Variants in CYSTM1 observed in about 807,000 individuals in gnomAD.
The protein encoded by CYSTM1 is cysteine rich transmembrane module containing 1, also known as cysteine-rich transmembrane module-containing protein 1.
In CYSTM1, 4 loss-of-function variants were observed where a neutral mutation model predicts 13.1. That is an observed-to-expected ratio of 0.31 (90% CI 0.15 to 0.70). CYSTM1 has a LOEUF of 0.70. Ranked by LOEUF, CYSTM1 falls within the 30% of genes least tolerant of loss-of-function variation. CYSTM1 has a pLI of 0.72. For synonymous variants in CYSTM1, 36 were observed against 42.7 expected (o/e 0.84, Z 0.62); for missense variants, 96 against 121.6 (o/e 0.79, Z 0.99).
chr5:140,204,610 G>C (rs1404323889), intron 2 of CYSTM1, among the ~76,000 whole-genome samples: 1 of 152,056 alleles, frequency 6.6e-6, no homozygotes, highest in Non-Finnish European at 1.5e-5. Context: ...AGGTAAAGTG[G>C]AGTGCAATAA....
chr5:140,189,958 C>T (rs1764071179), intron 1 of CYSTM1, among the ~76,000 whole-genome samples: 1 of 151,964 alleles, frequency 6.6e-6, no homozygotes, highest in Non-Finnish European at 1.5e-5. Flanking sequence ...AATGTATGAG[C>T]ATGGAGATCA....
intron 2 of CYSTM1, among the ~76,000 whole-genome samples, chr5:140,216,610 T>C (rs1327460208): frequency 6.6e-6 from 1 of 152,226 alleles, no homozygotes; most frequent in East Asian, 1.9e-4. Context: ...TTTACTTTCC[T>C]ATCAACTCCC....
chr5:140,209,141 A>C (rs952412118), intron 2 of CYSTM1, among the ~76,000 whole-genome samples: 1 of 152,142 alleles, frequency 6.6e-6, no homozygotes, highest in Non-Finnish European at 1.5e-5. Flanking sequence ...TTGTCACGTG[A>C]TTCAAGATGA....
At chr5:140,203,294 C>T (rs185014432) in intron 2 of CYSTM1, 2 of 152,354 alleles carry the variant, frequency 1.3e-5, no homozygotes, top group East Asian at 3.9e-4. Flanking sequence ...GTATACCTTT[C>T]ATCCCGATTT....
intron 2 of CYSTM1, among the ~76,000 whole-genome samples, chr5:140,233,839 T>C (rs1764647094): frequency 6.6e-6 from 1 of 152,216 alleles, no homozygotes; most frequent in African/African-American, 2.4e-5. Flanking sequence ...CTGTGGACTT[T>C]TGAGAGTTGT....
chr5:140,236,898 A>C (rs1013256639), intron 2 of CYSTM1, among the ~76,000 whole-genome samples: 1 of 152,204 alleles, frequency 6.6e-6, no homozygotes, highest in African/African-American at 2.4e-5. Flanking sequence ...ACCTTCTTGT[A>C]GAGTAACATG....
intron 2 of CYSTM1, chr5:140,228,960 A>C (rs1443922201): frequency 2.5e-6 from 1 of 395,442 alleles, no homozygotes; most frequent in Non-Finnish European, 4.5e-6. Flanking sequence ...TTTAAATTTT[A>C]GCACCTTTCA....
chr5:140,211,957 G>A (rs1297289820), intron 2 of CYSTM1, among the ~76,000 whole-genome samples: 1 of 151,846 alleles, frequency 6.6e-6, no homozygotes, highest in African/African-American at 2.4e-5. Context: ...ACACACACAC[G>A]CAAAAATAAG....
chr5:140,222,996 T>C (rs1764509031), intron 2 of CYSTM1, among the ~76,000 whole-genome samples: 1 of 152,248 alleles, frequency 6.6e-6, no homozygotes, highest in South Asian at 2.1e-4. Context: ...GCCTGTAGTC[T>C]GCCTTTTTCA....
At chr5:140,243,274 A>C in intron 2 of CYSTM1, 31 bp from the exon 3 acceptor site, 1 of 1,600,610 alleles carries the variant, frequency 6.2e-7, no homozygotes, top group Non-Finnish European at 8.6e-7. Flanking sequence ...GCACCAGTCC[A>C]TTCTCACCCT....
At chr5:140,238,329 G>A (rs1290556037) in intron 2 of CYSTM1, among the ~76,000 whole-genome samples, 2 of 152,226 alleles carry the variant, frequency 1.3e-5, no homozygotes, top group Non-Finnish European at 2.9e-5. Flanking sequence ...GAAAATGGAA[G>A]AGGTTCCTAC....
intron 2 of CYSTM1, among the ~76,000 whole-genome samples, chr5:140,196,574 G>A (rs1187620621): frequency 6.6e-6 from 1 of 152,224 alleles, no homozygotes; most frequent in African/African-American, 2.4e-5. Context: ...CCAAGATTGT[G>A]TTCTGTTGTA....
At chr5:140,228,335 G>A (rs6897855) in intron 2 of CYSTM1, among the ~76,000 whole-genome samples, 34,422 of 152,144 alleles carry the variant, frequency 0.23, 4,361 homozygotes, top group South Asian at 0.46. Context: ...GCTGTTGGGA[G>A]GATTAAATGA....
Position 140,194,430 on chromosome 5 carries a change from T to C in CYSTM1, c.-20-16T>C. The C allele has an allele frequency of 6.5e-7, 1 of 1,527,168 alleles. No homozygotes were observed. Among genetic ancestry groups the C allele is most frequent in the African/African-American group, 1.4e-5 (1 of 70,778 alleles). The allele number at this position is 1,527,168 out of a possible 1,614,324, so 94.6% of individuals were successfully genotyped here. On this transcript the variant is annotated splice_polypyrimidine_tract_variant and intron_variant, in intron 1 of 2. Transcript: ENST00000261811. ...ACAGTTAAATGCAAATAATTTTCAT[T>C]CTTTTTGTCTCTTAGGTGCACTTTA...
At chr5:140,177,074 A>AAAAAACAAAAACAAAACAAAAC (rs1357845710) in intron 1 of CYSTM1, among the ~76,000 whole-genome samples, 26 of 150,416 alleles carry the variant, frequency 1.7e-4, no homozygotes, top group African/African-American at 6.4e-4. Flanking sequence ...GTCTCAAAAA[A>AAAAAACAAAAACAAAACAAAAC]AAAAAAAAAA....
At chr5:140,218,480 T>TG (rs1388173794) in intron 2 of CYSTM1, among the ~76,000 whole-genome samples, 1 of 152,184 alleles carries the variant, frequency 6.6e-6, no homozygotes, top group African/African-American at 2.4e-5. Context: ...ATCAAGTTCT[T>TG]GAAGAACCCA....
chr5:140,191,002 A>G (rs1764087562), intron 1 of CYSTM1, among the ~76,000 whole-genome samples: 1 of 152,228 alleles, frequency 6.6e-6, no homozygotes, highest in Non-Finnish European at 1.5e-5. Flanking sequence ...TTGGTTATGT[A>G]AAGTGGTTTG....
intron 2 of CYSTM1, chr5:140,201,238 C>T (rs528755632): frequency 6.6e-5 from 10 of 152,198 alleles, no homozygotes; most frequent in Admixed American, 2.0e-4. Flanking sequence ...AACAGTCCAC[C>T]ACATTCTGCC....
Position 140,179,953 on chromosome 5 carries a change from G to A in CYSTM1, c.-21+4668G>A, listed in dbSNP as rs1363416370. Reference sequence around the variant, plus strand: ...GCTGGGATTACAGACGTGAGTCACCGCGCCCAGCCTCACTCTCTTTTTTCT... The same window carrying A: ...GCTGGGATTACAGACGTGAGTCACCACGCCCAGCCTCACTCTCTTTTTTCT... On this transcript the variant is annotated intron_variant, in intron 1 of 2. Coordinates refer to ENST00000261811, the MANE Select transcript of CYSTM1 (RefSeq NM_032412.4). 1.7e-4 allele frequency among the ~76,000 whole-genome samples: 26 copies of A among 152,140 alleles called. No individual in the cohort carries two copies. In the East Asian group the frequency reaches 2.3e-3, roughly 14 times the overall value.
Sources: allele counts gnomAD v4.1 joint callset (sites outside exome capture counted in the v4.1 genomes callset), GRCh38; gene constraint gnomAD v4.1.1; transcripts MANE v1.5; gene names NCBI Gene and HGNC (gene_info 2026-07-23, HGNC 2026-07-21).